The following PDE1A variants were observed in gnomAD, a reference collection of about 807,000 sequenced individuals.
The protein encoded by PDE1A is dual specificity calcium/calmodulin-dependent 3',5'-cyclic nucleotide phosphodiesterase 1A.
In PDE1A, 35 loss-of-function variants were observed where a neutral mutation model predicts 61.7. That is an observed-to-expected ratio of 0.57 (90% CI 0.43 to 0.75). The LOEUF (loss-of-function observed/expected upper bound fraction) is 0.75. Among genes scored for constraint, PDE1A ranks in the 30% least tolerant of loss-of-function variants. The pLI, the probability that PDE1A is intolerant of heterozygous loss-of-function variation, is 0.00. For missense variants in PDE1A, 597 were observed against 630.6 expected (o/e 0.95, Z 0.57); for synonymous variants, 232 against 213.2 (o/e 1.09, Z -0.77).
At chr2:182,713,179 T>G in the PDE1A span, among the ~76,000 whole-genome samples, 187 of 152,314 alleles carry the variant, frequency 1.2e-3, no homozygotes, top group Non-Finnish European at 2.3e-3. Flanking sequence ...TGGTGAAACC[T>G]TTGGCAAATC....
At chr2:182,264,806 T>C (rs1471016616) in intron 1 of PDE1A, among the ~76,000 whole-genome samples, 3 of 146,842 alleles carry the variant, frequency 2.0e-5, no homozygotes, top group African/African-American at 7.5e-5. Flanking sequence ...TAATTCACAG[T>C]TGCAAAAATA....
At chr2:182,615,558 T>G in the PDE1A span, among the ~76,000 whole-genome samples, 2 of 152,246 alleles carry the variant, frequency 1.3e-5, no homozygotes, top group Non-Finnish European at 2.9e-5. Context: ...GTGTTATTAG[T>G]AGCATTACTA....
chr2:182,519,048 T>C (rs937919033), intron 2 of PDE1A, among the ~76,000 whole-genome samples: 26 of 152,002 alleles, frequency 1.7e-4, no homozygotes, highest in Admixed American at 1.6e-3. Context: ...AGAAACACAA[T>C]GCATAGGTGA....
the PDE1A span, among the ~76,000 whole-genome samples, chr2:182,544,814 T>C: frequency 1.3e-5 from 2 of 152,290 alleles, no homozygotes; most frequent in African/African-American, 2.4e-5. Flanking sequence ...TCCCCTTTTT[T>C]CCTGTCTCAT....
chr2:182,159,253 T>C (rs1046575166), intron 13 of PDE1A, among the ~76,000 whole-genome samples: 2 of 152,196 alleles, frequency 1.3e-5, no homozygotes, highest in Non-Finnish European at 2.9e-5. Context: ...GTGACAGGTA[T>C]ATGAAGTGGC....
intron 2 of PDE1A, among the ~76,000 whole-genome samples, chr2:182,464,183 T>C (rs968631123): frequency 4.6e-5 from 7 of 152,122 alleles, no homozygotes; most frequent in Non-Finnish European, 7.4e-5. Context: ...GATTCTACAA[T>C]TGTTCACCCG....
chr2:182,583,483 C>T, the PDE1A span, among the ~76,000 whole-genome samples: 3 of 152,154 alleles, frequency 2.0e-5, no homozygotes, highest in African/African-American at 7.2e-5. Flanking sequence ...TCCATGGATG[C>T]CTTGCTCTAA....
chr2:182,659,394 G>C, the PDE1A span, among the ~76,000 whole-genome samples: 1 of 152,054 alleles, frequency 6.6e-6, no homozygotes, highest in Non-Finnish European at 1.5e-5. Flanking sequence ...AAGCAGACAA[G>C]AATCATATGC....
At chr2:182,398,142 G>T (rs982228223) in intron 1 of PDE1A, among the ~76,000 whole-genome samples, 2 of 152,014 alleles carry the variant, frequency 1.3e-5, no homozygotes, top group Admixed American at 6.5e-5. Context: ...AAAAGCTTGA[G>T]TTGGGTGAAG....
the PDE1A span, among the ~76,000 whole-genome samples, chr2:182,584,057 T>G: frequency 6.6e-6 from 1 of 152,170 alleles, no homozygotes; most frequent in Non-Finnish European, 1.5e-5. Flanking sequence ...AATGCTACAT[T>G]CTCTTATTAG....
the PDE1A span, among the ~76,000 whole-genome samples, chr2:182,661,114 A>T: frequency 1.3e-5 from 2 of 152,234 alleles, no homozygotes; most frequent in African/African-American, 4.8e-5. Context: ...TGACATTAAC[A>T]GATGTTTAAA....
intron 1 of PDE1A, among the ~76,000 whole-genome samples, chr2:182,372,072 C>T (rs990548296): frequency 1.3e-5 from 2 of 152,182 alleles, no homozygotes; most frequent in Non-Finnish European, 2.9e-5. Flanking sequence ...CTGGCATGGG[C>T]CACCATGCCT....
intron 1 of PDE1A, among the ~76,000 whole-genome samples, chr2:182,322,188 T>C (rs1270668174): frequency 1.3e-5 from 2 of 152,198 alleles, no homozygotes; most frequent in Non-Finnish European, 1.5e-5. Flanking sequence ...TTGAATTCAA[T>C]ATTGTATGAA....
chr2:182,544,022 T>G, the PDE1A span, among the ~76,000 whole-genome samples: 1 of 152,212 alleles, frequency 6.6e-6, no homozygotes, highest in Admixed American at 6.5e-5. Flanking sequence ...GGTGAAAAAT[T>G]ACTTAAGTAG....
intron 1 of PDE1A, among the ~76,000 whole-genome samples, chr2:182,353,773 T>C (rs1044962354): frequency 6.6e-6 from 1 of 152,134 alleles, no homozygotes; most frequent in East Asian, 1.9e-4. Context: ...TTAATCAGTA[T>C]GGTTGAAAAT....
At chr2:182,508,739 T>A (rs1012728453) in intron 2 of PDE1A, among the ~76,000 whole-genome samples, 18 of 146,840 alleles carry the variant, frequency 1.2e-4, no homozygotes, top group Non-Finnish European at 2.2e-4. Flanking sequence ...TTTTTTTTTT[T>A]ATTTTTTTTT....
intron 2 of PDE1A, among the ~76,000 whole-genome samples, chr2:182,254,770 C>T (rs1691655191): frequency 6.6e-6 from 1 of 152,176 alleles, no homozygotes; most frequent in South Asian, 2.1e-4. Context: ...AGGTCCCCTG[C>T]TTGTGACACT....
intron 7 of PDE1A, among the ~76,000 whole-genome samples, chr2:182,220,039 A>ATGAT (rs1420135382): frequency 6.6e-6 from 1 of 152,092 alleles, no homozygotes; most frequent in African/African-American, 2.4e-5. Context: ...CATCCAACAT[A>ATGAT]TGATAAATGA....
the PDE1A span, among the ~76,000 whole-genome samples, chr2:182,552,782 C>T: frequency 6.6e-5 from 10 of 152,230 alleles, no homozygotes; most frequent in African/African-American, 2.4e-4. Flanking sequence ...TGGCTACCCC[C>T]TTTGGACCCC....
Sources: gnomAD v4.1 joint callset for allele counts (sites outside exome capture counted in the v4.1 genomes callset) on GRCh38, gnomAD v4.1.1 for gene constraint, MANE v1.5 for transcripts, NCBI Gene and HGNC (gene_info 2026-07-23, HGNC 2026-07-21) for gene names.